The following NAALADL2 variants were observed in gnomAD, a reference collection of about 807,000 sequenced individuals.
NAALADL2 encodes the protein inactive N-acetylated-alpha-linked acidic dipeptidase-like protein 2.
A neutral mutation model predicts 87.2 loss-of-function variants in NAALADL2; 76 were observed. The observed-to-expected ratio is 0.87, with a 90% confidence interval of 0.72 to 1.05. The LOEUF (loss-of-function observed/expected upper bound fraction) is 1.05, where lower values mean the gene tolerates loss of function less well. Among genes scored for constraint, NAALADL2 ranks in the 50% least tolerant of loss-of-function variants. The pLI, the probability that NAALADL2 is intolerant of heterozygous loss-of-function variation, is 0.00. For synonymous variants in NAALADL2, 354 were observed against 331.0 expected, an observed-to-expected ratio of 1.07 and a Z score of -0.75; for missense variants, 1,089 against 945.8, an observed-to-expected ratio of 1.15 and a Z score of -1.99.
At chr3:174,741,048 T>A (rs1408531123) in intron 3 of NAALADL2, among the ~76,000 whole-genome samples, 1 of 151,792 alleles carries the variant, frequency 6.6e-6, no homozygotes, top group East Asian at 1.9e-4. Context: ...CTAATGGTGA[T>A]AATTCAATAG....
intron 1 of NAALADL2, among the ~76,000 whole-genome samples, chr3:175,048,421 A>T (rs1204488512): frequency 6.6e-6 from 1 of 152,004 alleles, no homozygotes; most frequent in Non-Finnish European, 1.5e-5. Flanking sequence ...CAGTGAGATA[A>T]TGTTTTCGGT....
At chr3:175,621,945 T>C (rs1208616186) in intron 10 of NAALADL2, among the ~76,000 whole-genome samples, 3 of 152,182 alleles carry the variant, frequency 2.0e-5, no homozygotes, top group Non-Finnish European at 2.9e-5. Context: ...AAATTGCTAT[T>C]ATTGAACTCA....
intron 2 of NAALADL2, among the ~76,000 whole-genome samples, chr3:174,652,926 A>G (rs984454358): frequency 1.3e-4 from 20 of 152,202 alleles, no homozygotes; most frequent in African/African-American, 4.8e-4. Context: ...GGTTTATGGA[A>G]TATCCAAAGA....
chr3:175,256,788 C>G (rs16825154), intron 4 of NAALADL2: 1 of 237,392 alleles, frequency 4.2e-6, no homozygotes, highest in African/African-American at 2.3e-5. Context: ...TCAGGTAACA[C>G]TGAGTTTGTG....
At chr3:175,250,461 A>G (rs1200211156) in intron 3 of NAALADL2, among the ~76,000 whole-genome samples, 1 of 152,166 alleles carries the variant, frequency 6.6e-6, no homozygotes, top group East Asian at 1.9e-4. Context: ...TTTTGTTATG[A>G]CAGCCAATTC....
chr3:175,306,311 C>A (rs1333344894), intron 4 of NAALADL2, among the ~76,000 whole-genome samples: 1 of 152,052 alleles, frequency 6.6e-6, no homozygotes, highest in Non-Finnish European at 1.5e-5. Context: ...TTTATATTAT[C>A]TCATTTATCT....
chr3:174,850,296 T>C (rs1239012681), intron 3 of NAALADL2, among the ~76,000 whole-genome samples: 1 of 152,140 alleles, frequency 6.6e-6, no homozygotes, highest in East Asian at 1.9e-4. Flanking sequence ...TTATATGTTA[T>C]TTGCCTCTTT....
intron 2 of NAALADL2, among the ~76,000 whole-genome samples, chr3:175,197,274 G>A (rs1490172065): frequency 2.0e-5 from 3 of 151,914 alleles, no homozygotes; most frequent in South Asian, 4.1e-4. Context: ...CGTAGAGTCC[G>A]TAAGCTTTTG....
intron 4 of NAALADL2, among the ~76,000 whole-genome samples, chr3:175,311,718 CCT>C (rs1439760040): frequency 4.0e-5 from 6 of 150,186 alleles, no homozygotes; most frequent in African/African-American, 1.5e-4. Context: ...CTCCCTCCTT[CCT>C]TCCTTCCTTC....
chr3:175,768,901 AAAG>A (rs748583584), intron 13 of NAALADL2, among the ~76,000 whole-genome samples: 6 of 152,158 alleles, frequency 3.9e-5, no homozygotes, highest in East Asian at 3.9e-4. Flanking sequence ...AGTGGTATAA[AAAG>A]AAGATTTAAA....
rs550289236 is a variant in NAALADL2 at position 175,686,409 on chromosome 3, A to G, written c.1897-50897A>G. On this transcript the variant is annotated intron_variant, in intron 11 of 13. Transcript: ENST00000454872. ...AGTGTCTTTTTCAATTGGACATTAAATTTTCAAACATTTAAAAGCAAGCAA... is the reference window on the plus strand; with the variant it reads ...AGTGTCTTTTTCAATTGGACATTAAGTTTTCAAACATTTAAAAGCAAGCAA... Among the ~76,000 whole-genome samples, 3 of 152,292 alleles carry G rather than the reference A, an allele frequency of 2.0e-5. No homozygotes were observed. In the East Asian group the frequency reaches 5.8e-4, roughly 29 times the overall value.
At chr3:174,597,820 T>C (rs1053806354) in intron 2 of NAALADL2, among the ~76,000 whole-genome samples, 3 of 152,104 alleles carry the variant, frequency 2.0e-5, no homozygotes, top group African/African-American at 7.2e-5. Context: ...CTCAGAGGAG[T>C]TTCCTACTGA....
At chr3:174,800,356 G>A (rs958649686) in intron 3 of NAALADL2, among the ~76,000 whole-genome samples, 1 of 152,160 alleles carries the variant, frequency 6.6e-6, no homozygotes, top group Non-Finnish European at 1.5e-5. Context: ...ATCATATAAA[G>A]CTCATGCTGT....
intron 2 of NAALADL2, among the ~76,000 whole-genome samples, chr3:174,627,339 G>C (rs1721672315): frequency 6.6e-6 from 1 of 152,000 alleles, no homozygotes; most frequent in African/African-American, 2.4e-5. Flanking sequence ...AAAAAGTTCA[G>C]CATCTCTAAT....
chr3:175,116,426 C>T (rs938691132), intron 2 of NAALADL2, among the ~76,000 whole-genome samples: 2 of 151,734 alleles, frequency 1.3e-5, no homozygotes, highest in East Asian at 1.9e-4. Context: ...ACAAGCATTC[C>T]TATACACCAA....
Position 174,495,263 on chromosome 3 carries a change from C to CAA in NAALADL2, c.-184+54248_-184+54249dup, listed in dbSNP as rs199803612. On this transcript the variant is annotated intron_variant, in intron 1 of 3. Coordinates refer to the NAALADL2 transcript ENST00000434257. ...TTAAGGAAAGCTTATATTAACAAAC[C>CAA]AAAAAAAAAAAAAAAAAACAGCCTT... is the stretch of plus-strand genomic sequence containing the variant. 2.0e-3 allele frequency among the ~76,000 whole-genome samples: 242 copies of CAA among 120,372 alleles called. 2 individuals carry two copies. Among genetic ancestry groups the CAA allele is most frequent in the Non-Finnish European group, 2.3e-3 (131 of 56,458 alleles). 79.0% of individuals were successfully genotyped at this position (120,372 alleles called of 152,430 possible). A position where few individuals can be genotyped will look rare whatever the true frequency, so the allele number is the denominator to read the frequency against.
chr3:175,139,067 A>T (rs1729600276), intron 2 of NAALADL2, among the ~76,000 whole-genome samples: 1 of 151,514 alleles, frequency 6.6e-6, no homozygotes, highest in Non-Finnish European at 1.5e-5. Flanking sequence ...GTCCAATGTT[A>T]TATTAAACAC....
chr3:175,523,805 G>A (rs960650771), intron 9 of NAALADL2, among the ~76,000 whole-genome samples: 1 of 152,160 alleles, frequency 6.6e-6, no homozygotes, highest in Non-Finnish European at 1.5e-5. Context: ...GCAGGTAATC[G>A]GTATGAGTCA....
intron 3 of NAALADL2, among the ~76,000 whole-genome samples, chr3:174,738,085 A>C (rs1206502549): frequency 6.6e-6 from 1 of 152,148 alleles, no homozygotes; most frequent in African/African-American, 2.4e-5. Flanking sequence ...TTTTTGGATT[A>C]AGTCAGCCTA....
Sources: allele counts gnomAD v4.1 joint callset (sites outside exome capture counted in the v4.1 genomes callset), GRCh38; gene constraint gnomAD v4.1.1; transcripts MANE v1.5; gene names NCBI Gene and HGNC (gene_info 2026-07-23, HGNC 2026-07-21).